The following SMOC1 variants were observed in gnomAD, a reference collection of about 807,000 sequenced individuals.
SMOC1 encodes the protein SPARC related modular calcium binding 1.
Under a neutral mutation model 56.3 loss-of-function variants are expected in SMOC1, and 22 were observed. The ratio of observed to expected loss-of-function variants is 0.39; its 90% CI spans 0.28 to 0.56. The LOEUF (loss-of-function observed/expected upper bound fraction) is 0.56. SMOC1 is among the 20% of genes least tolerant of loss of function. The pLI, the probability that SMOC1 is intolerant of heterozygous loss-of-function variation, is 0.61. For synonymous variants in SMOC1, 193 were observed against 215.0 expected, an observed-to-expected ratio of 0.90 and a Z score of 0.89; for missense variants, 509 against 565.4, an observed-to-expected ratio of 0.90 and a Z score of 1.01.
intron 1 of SMOC1, among the ~76,000 whole-genome samples, chr14:69,893,573 A>T (rs1420973614): frequency 1.3e-5 from 2 of 152,164 alleles, no homozygotes; most frequent in African/African-American, 4.8e-5. Context: ...TTTACTGCTA[A>T]TTGGGAGGTT....
At chr14:70,022,445 C>T (rs1238937428) in intron 10 of SMOC1, among the ~76,000 whole-genome samples, 3 of 152,238 alleles carry the variant, frequency 2.0e-5, no homozygotes, top group Admixed American at 1.3e-4. Context: ...AATCACCTGG[C>T]AGTGCTGGTG....
At chr14:69,967,969 C>G (rs1289403077) in intron 3 of SMOC1, among the ~76,000 whole-genome samples, 2 of 152,214 alleles carry the variant, frequency 1.3e-5, no homozygotes, top group Admixed American at 6.5e-5. Flanking sequence ...TTCTCTCCCC[C>G]TTAACCACTT....
At chr14:69,944,354 C>T (rs923023131) in intron 1 of SMOC1, among the ~76,000 whole-genome samples, 3 of 152,142 alleles carry the variant, frequency 2.0e-5, no homozygotes, top group Non-Finnish European at 2.9e-5. Flanking sequence ...AAGGGGCCGG[C>T]GTGTGCACAG....
At chr14:69,983,922 A>C (rs1308184067) in intron 5 of SMOC1, among the ~76,000 whole-genome samples, 1 of 152,248 alleles carries the variant, frequency 6.6e-6, no homozygotes, top group Non-Finnish European at 1.5e-5. Flanking sequence ...CTCAGGTTCC[A>C]TTGCAGTGAT....
At chr14:69,978,784 T>A (rs956275507) in intron 5 of SMOC1, among the ~76,000 whole-genome samples, 1 of 152,156 alleles carries the variant, frequency 6.6e-6, no homozygotes, top group Non-Finnish European at 1.5e-5. Flanking sequence ...AGGCCCTGCA[T>A]TTTTACTTTA....
chr14:69,988,967 T>TC (rs1183031778), intron 5 of SMOC1, among the ~76,000 whole-genome samples: 7 of 152,262 alleles, frequency 4.6e-5, no homozygotes, highest in Non-Finnish European at 1.0e-4. Context: ...TGGATTGTTT[T>TC]CAGTTTGAAG....
intron 3 of SMOC1, among the ~76,000 whole-genome samples, chr14:69,956,062 C>G (rs1883172875): frequency 6.6e-6 from 1 of 152,172 alleles, no homozygotes; most frequent in Non-Finnish European, 1.5e-5. Context: ...TTTGGTGAGG[C>G]CAGGCCAGAC....
At chr14:69,939,610 C>T (rs1467061762) in intron 1 of SMOC1, among the ~76,000 whole-genome samples, 1 of 152,206 alleles carries the variant, frequency 6.6e-6, no homozygotes, top group Non-Finnish European at 1.5e-5. Flanking sequence ...TGGAATCCCA[C>T]AGTCTGCTAA....
chr14:69,978,131 A>G, intron 5 of SMOC1, 166 bp downstream of exon 5: 2 of 699,542 alleles, frequency 2.9e-6, no homozygotes, highest in Non-Finnish European at 5.2e-6. Flanking sequence ...CGAGGTAAGT[A>G]AGGCTCATAC....
intron 10 of SMOC1, among the ~76,000 whole-genome samples, chr14:70,015,384 G>A (rs1017994698): frequency 6.6e-6 from 1 of 152,036 alleles, no homozygotes; most frequent in Non-Finnish European, 1.5e-5. Flanking sequence ...ACAGCACGGT[G>A]CTATACACTT....
Position 69,879,625 on chromosome 14 carries a change from C to T in SMOC1, c.-54C>T. The T allele has an allele frequency of 7.4e-7, 1 of 1,345,908 alleles. No homozygotes were observed. The allele number at this position is 1,345,908 out of a possible 1,614,324, so 83.4% of individuals were successfully genotyped here. On this transcript the variant is annotated 5_prime_UTR_variant, in exon 1 of 12. Transcript: ENST00000361956. ...GAAGGAAGGGAGGCGCGCTGTGCGC[C>T]CCGCGGAGCCCGCGAACCCCGCTCG...
intron 1 of SMOC1, among the ~76,000 whole-genome samples, chr14:69,934,137 G>C (rs1394564625): frequency 6.6e-6 from 1 of 152,132 alleles, no homozygotes; most frequent in East Asian, 1.9e-4. Flanking sequence ...CTGGATCCCA[G>C]GTGTGTCTCA....
At chr14:69,952,093 C>T (rs988087461) in intron 1 of SMOC1, 45 bp from the exon 2 acceptor site, 8 of 1,608,190 alleles carry the variant, frequency 5.0e-6, no homozygotes, top group Non-Finnish European at 6.8e-6. Context: ...CCCTACTTTT[C>T]TTGCAAAAGT....
chr14:69,882,739 C>G (rs2139282255), intron 1 of SMOC1, among the ~76,000 whole-genome samples: 1 of 152,322 alleles, frequency 6.6e-6, no homozygotes, highest in South Asian at 2.1e-4. Flanking sequence ...TTCTGTGTCT[C>G]CCTTGAAGAT....
chr14:70,030,209 T>A (rs754804867), intron 11 of SMOC1, 33 bp from the exon 12 acceptor site: 2 of 1,593,182 alleles, frequency 1.3e-6, no homozygotes, highest in Middle Eastern at 1.7e-4. Context: ...GACCTTTTTT[T>A]TTTTTTTTTT....
At position 69,952,262 on chromosome 14, in the gene SMOC1, G is replaced by A. The variant is rs550966254; in HGVS notation, c.224G>A (p.Arg75Gln). 2.5e-5 allele frequency: 40 copies of A among 1,614,174 alleles called. No individual in the cohort carries two copies. The highest frequency in any genetic ancestry group is 1.6e-4 in the South Asian group (15 of 91,080). ...SMCEYQRAKCRDPTLGVVHRG... is the reference protein window; with the variant it reads ...SMCEYQRAKCQDPTLGVVHRG... ...TGTGAGTACCAGCGAGCCAAGTGCCGAGACCCGACCCTGGGCGTGGTGCAT... is the reference window on the plus strand; with the variant it reads ...TGTGAGTACCAGCGAGCCAAGTGCCAAGACCCGACCCTGGGCGTGGTGCAT... The change falls in exon 2 of 12, where the codon CGA becomes CAA. Residue 75 changes from arginine (R) to glutamine (Q), a missense_variant. Arg to Gln is a conservative substitution (Grantham distance 43, BLOSUM62 1). Transcript: ENST00000361956.
At chr14:70,016,253 A>G (rs1356536481) in intron 10 of SMOC1, among the ~76,000 whole-genome samples, 2 of 152,226 alleles carry the variant, frequency 1.3e-5, no homozygotes, top group African/African-American at 4.8e-5. Flanking sequence ...TTTTAATATC[A>G]GTGTGTCCTT....
At chr14:69,918,232 A>ATT (rs571675140) in intron 1 of SMOC1, among the ~76,000 whole-genome samples, 28 of 146,100 alleles carry the variant, frequency 1.9e-4, no homozygotes, top group African/African-American at 4.6e-4. Flanking sequence ...ATATATATAT[A>ATT]TATATTTTTT....
chr14:69,969,030 G>C (rs1294803855), intron 3 of SMOC1, among the ~76,000 whole-genome samples: 1 of 152,236 alleles, frequency 6.6e-6, no homozygotes, highest in Non-Finnish European at 1.5e-5. Flanking sequence ...TACAAAAAGA[G>C]AGGAGGGGTT....
Sources: allele counts gnomAD v4.1 joint callset (sites outside exome capture counted in the v4.1 genomes callset), GRCh38; gene constraint gnomAD v4.1.1; transcripts MANE v1.5; gene names NCBI Gene and HGNC (gene_info 2026-07-23, HGNC 2026-07-21).